Variants in MMP16 observed in about 807,000 individuals in gnomAD.
MMP16 encodes the protein matrix metalloproteinase-16.
Under a neutral mutation model 67.8 loss-of-function variants are expected in MMP16, and 12 were observed. The observed-to-expected ratio is 0.18, with a 90% CI of 0.11 to 0.29. MMP16 has a LOEUF of 0.29. Among genes scored for constraint, MMP16 ranks in the 10% least tolerant of loss-of-function variants. MMP16 has a pLI of 1.00. For synonymous variants in MMP16, 249 were observed against 255.9 expected, an observed-to-expected ratio of 0.97 and a Z score of 0.26; for missense variants, 475 against 765.7, an observed-to-expected ratio of 0.62 and a Z score of 4.48.
At chr8:88,202,040 G>T (rs1809352269) in intron 1 of MMP16, among the ~76,000 whole-genome samples, 1 of 152,152 alleles carries the variant, frequency 6.6e-6, no homozygotes, top group Non-Finnish European at 1.5e-5. Context: ...TCACAAGGCA[G>T]AAATTAGCCT....
At chr8:88,270,674 A>C (rs555211057) in intron 1 of MMP16, among the ~76,000 whole-genome samples, 9 of 152,328 alleles carry the variant, frequency 5.9e-5, no homozygotes, top group Middle Eastern at 3.4e-3. Context: ...GCACAAAATA[A>C]ACATCCAAAG....
intron 3 of MMP16, among the ~76,000 whole-genome samples, chr8:88,185,277 G>A (rs1192676995): frequency 6.6e-6 from 1 of 151,894 alleles, no homozygotes; most frequent in African/African-American, 2.4e-5. Flanking sequence ...TGGCTAACAC[G>A]GGGAAATCCT....
chr8:88,176,538 G>A (rs1025975985), intron 3 of MMP16, among the ~76,000 whole-genome samples: 1 of 152,162 alleles, frequency 6.6e-6, no homozygotes, highest in African/African-American at 2.4e-5. Context: ...TTACAGCTCT[G>A]TAGCTGATTA....
chr8:88,145,610 G>A (rs1271739677), intron 4 of MMP16, among the ~76,000 whole-genome samples: 2 of 151,676 alleles, frequency 1.3e-5, no homozygotes, highest in Admixed American at 1.3e-4. Context: ...TTAAATTATA[G>A]GCATACTCAT....
chr8:88,208,818 CAAAAA>C (rs59898929), intron 1 of MMP16, among the ~76,000 whole-genome samples: 1 of 130,660 alleles, frequency 7.7e-6, no homozygotes, highest in Non-Finnish European at 1.6e-5. Flanking sequence ...GTAGATATGG[CAAAAA>C]AAAAAAAAAA....
intron 6 of MMP16, among the ~76,000 whole-genome samples, chr8:88,106,422 T>A (rs1809242782): frequency 6.6e-6 from 1 of 151,304 alleles, no homozygotes; most frequent in Non-Finnish European, 1.5e-5. Context: ...TTGCTGGACA[T>A]TTACATTGTT....
At chr8:88,326,851 C>CG (rs1811547014) in intron 1 of MMP16, 7 of 472,754 alleles carry the variant, frequency 1.5e-5, no homozygotes, top group Middle Eastern at 6.1e-4. Flanking sequence ...TGTCTTTGAG[C>CG]GCGCAGCATC....
chr8:88,135,605 T>C (rs1406787483), intron 4 of MMP16, among the ~76,000 whole-genome samples: 1 of 151,792 alleles, frequency 6.6e-6, no homozygotes, highest in African/African-American at 2.4e-5. Flanking sequence ...ATGTCATGGA[T>C]GGCAAGTGTC....
intron 1 of MMP16, among the ~76,000 whole-genome samples, chr8:88,251,341 T>C (rs953368376): frequency 4.0e-5 from 6 of 151,168 alleles, no homozygotes; most frequent in Non-Finnish European, 8.8e-5. Context: ...TAATGCCGCA[T>C]ATCTACAACT....
Position 88,146,357 on chromosome 8 carries a change from C to A in MMP16, c.709+21312G>T, listed in dbSNP as rs539878909. Among the ~76,000 whole-genome samples the A allele has an allele frequency of 7.4e-4, 112 of 152,082 alleles. 1 individual carries two copies. The South Asian group carries it at 0.01, about 14-fold the overall frequency. On this transcript the variant is annotated intron_variant, in intron 4 of 9. Transcript: ENST00000286614. Reference sequence around the variant, plus strand: ...AAACAGAATATTGCCGACTCCTTTACATCTACTCATGTATTTTTGTCCTTA... The same window carrying A: ...AAACAGAATATTGCCGACTCCTTTAAATCTACTCATGTATTTTTGTCCTTA...
chr8:88,050,410 T>G (rs931854703), intron 8 of MMP16, among the ~76,000 whole-genome samples: 1 of 152,240 alleles, frequency 6.6e-6, no homozygotes. Flanking sequence ...GTAACATTAA[T>G]ACATACCTAG....
At chr8:88,237,467 G>A (rs1003190510) in intron 1 of MMP16, among the ~76,000 whole-genome samples, 2 of 152,104 alleles carry the variant, frequency 1.3e-5, no homozygotes, top group East Asian at 1.9e-4. Flanking sequence ...GGCTAACACA[G>A]TGAAACCCGT....
intron 2 of MMP16, among the ~76,000 whole-genome samples, chr8:88,194,080 T>C (rs1809213052): frequency 6.6e-6 from 1 of 151,994 alleles, no homozygotes; most frequent in Non-Finnish European, 1.5e-5. Flanking sequence ...TAAGGCAATA[T>C]TATATGACAT....
At chr8:88,205,408 TCA>T (rs772917229) in intron 1 of MMP16, among the ~76,000 whole-genome samples, 6 of 152,076 alleles carry the variant, frequency 3.9e-5, no homozygotes, top group Non-Finnish European at 5.9e-5. Flanking sequence ...CCAAGAATGT[TCA>T]GTTTTTATGC....
chr8:88,181,236 A>T (rs1389714891), intron 3 of MMP16, among the ~76,000 whole-genome samples: 1 of 152,126 alleles, frequency 6.6e-6, no homozygotes, highest in Admixed American at 6.5e-5. Context: ...GAAGAAAAAA[A>T]TACATACAAC....
intron 1 of MMP16, among the ~76,000 whole-genome samples, chr8:88,265,223 C>CTT (rs398008661): frequency 0.016 from 1,633 of 100,686 alleles, 81 homozygotes; most frequent in South Asian, 0.045. Context: ...TGACCATTTC[C>CTT]TTTTTTTTTT....
At chr8:88,125,799 C>T (rs1807921412) in intron 4 of MMP16, among the ~76,000 whole-genome samples, 1 of 151,904 alleles carries the variant, frequency 6.6e-6, no homozygotes, top group African/African-American at 2.4e-5. Flanking sequence ...AGTTATGTTT[C>T]ATGTTATTTA....
intron 1 of MMP16, among the ~76,000 whole-genome samples, chr8:88,302,914 C>G (rs1307490129): frequency 6.6e-6 from 1 of 152,160 alleles, no homozygotes; most frequent in African/African-American, 2.4e-5. Flanking sequence ...TGGCATGGAT[C>G]CAAAGGAACT....
chr8:88,068,118 A>G (rs909746801), intron 7 of MMP16, among the ~76,000 whole-genome samples: 6 of 152,076 alleles, frequency 3.9e-5, no homozygotes, highest in African/African-American at 1.2e-4. Flanking sequence ...TCAGGTGTGT[A>G]GTGGTATTTC....
Sources: allele counts gnomAD v4.1 joint callset (sites outside exome capture counted in the v4.1 genomes callset), GRCh38; gene constraint gnomAD v4.1.1; transcripts MANE v1.5; gene names NCBI Gene and HGNC (gene_info 2026-07-23, HGNC 2026-07-21).